The following PDE4B variants were observed in gnomAD, a reference collection of about 807,000 sequenced individuals.
The protein encoded by PDE4B is phosphodiesterase 4B.
In PDE4B, 20 loss-of-function variants were observed where a neutral mutation model predicts 82.2. The observed-to-expected ratio is 0.24, with a 90% CI of 0.17 to 0.35. The LOEUF is 0.35. PDE4B is among the 10% of genes least tolerant of loss of function. PDE4B has a pLI of 1.00. For synonymous variants in PDE4B, 320 were observed against 318.9 expected (o/e 1.00, Z -0.04); for missense variants, 655 against 907.2 (o/e 0.72, Z 3.57).
chr1:66,040,607 G>T (rs529460905), intron 3 of PDE4B, among the ~76,000 whole-genome samples: 1 of 152,148 alleles, frequency 6.6e-6, no homozygotes, highest in South Asian at 2.1e-4. Context: ...ATGGGTAAGA[G>T]GTTTGATGAA....
intron 3 of PDE4B, among the ~76,000 whole-genome samples, chr1:66,225,255 C>T (rs1016601293): frequency 6.6e-6 from 1 of 152,190 alleles, no homozygotes; most frequent in Non-Finnish European, 1.5e-5. Flanking sequence ...TTTTCTCACC[C>T]CCCGTTCTCA....
chr1:66,110,215 G>T (rs534366374), intron 3 of PDE4B, among the ~76,000 whole-genome samples: 1 of 152,004 alleles, frequency 6.6e-6, no homozygotes, highest in Non-Finnish European at 1.5e-5. Context: ...ATTGATGAGC[G>T]TTTGAGGGAA....
At chr1:66,321,829 G>A (rs1218779316) in intron 7 of PDE4B, among the ~76,000 whole-genome samples, 1 of 152,050 alleles carries the variant, frequency 6.6e-6, no homozygotes, top group African/African-American at 2.4e-5. Context: ...CTACTTTAAA[G>A]CTCATATGGA....
At chr1:66,028,626 C>A (rs894462850) in intron 3 of PDE4B, among the ~76,000 whole-genome samples, 7 of 152,162 alleles carry the variant, frequency 4.6e-5, no homozygotes, top group African/African-American at 1.7e-4. Context: ...ATGCCTTTAA[C>A]AACACCAAAG....
intron 7 of PDE4B, among the ~76,000 whole-genome samples, chr1:66,301,109 A>G (rs1449648825): frequency 6.6e-6 from 1 of 152,134 alleles, no homozygotes; most frequent in African/African-American, 2.4e-5. Context: ...TGCTCATGAA[A>G]GGCCCATAGT....
intron 3 of PDE4B, among the ~76,000 whole-genome samples, chr1:66,154,034 T>A (rs901171472): frequency 6.6e-6 from 1 of 152,216 alleles, no homozygotes; most frequent in Admixed American, 6.5e-5. Context: ...TTTAAAATTC[T>A]TTTCCCTTCT....
chr1:66,214,975 G>A (rs1015591479), intron 3 of PDE4B, among the ~76,000 whole-genome samples: 2 of 152,070 alleles, frequency 1.3e-5, no homozygotes, highest in Non-Finnish European at 2.9e-5. Context: ...GTGTGGTAGG[G>A]GTTAAAAAGT....
At chr1:65,896,272 C>G (rs866040140) in intron 1 of PDE4B, among the ~76,000 whole-genome samples, 38 of 152,090 alleles carry the variant, frequency 2.5e-4, no homozygotes, top group African/African-American at 8.9e-4. Flanking sequence ...TCTTACATGG[C>G]AGCAGGCAAG....
At chr1:66,312,899 G>A (rs1024052324) in intron 7 of PDE4B, among the ~76,000 whole-genome samples, 3 of 152,202 alleles carry the variant, frequency 2.0e-5, no homozygotes, top group Non-Finnish European at 4.4e-5. Flanking sequence ...TTTTGAAAAA[G>A]TTTACCTCTG....
chr1:66,265,521 G>A (rs752664519), intron 6 of PDE4B, among the ~76,000 whole-genome samples: 16 of 152,150 alleles, frequency 1.1e-4, no homozygotes, highest in Non-Finnish European at 1.6e-4. Flanking sequence ...CCTAAGTAAA[G>A]CAAGCTGGAT....
At chr1:65,966,836 G>A (rs1249894006) in intron 3 of PDE4B, among the ~76,000 whole-genome samples, 1 of 152,136 alleles carries the variant, frequency 6.6e-6, no homozygotes, top group African/African-American at 2.4e-5. Context: ...CTAGCCATAT[G>A]GAGAAAGCTG....
At chr1:65,995,645 G>A (rs537007156) in intron 3 of PDE4B, among the ~76,000 whole-genome samples, 1 of 152,248 alleles carries the variant, frequency 6.6e-6, no homozygotes, top group South Asian at 2.1e-4. Context: ...GGTTATATGA[G>A]GAAATAAGAG....
chr1:66,287,101 G>C (rs1241143920), intron 7 of PDE4B, among the ~76,000 whole-genome samples: 1 of 152,142 alleles, frequency 6.6e-6, no homozygotes, highest in African/African-American at 2.4e-5. Flanking sequence ...TGCAGGTGGG[G>C]ATAATATTTA....
At chr1:65,948,194 C>T (rs1648807963) in intron 3 of PDE4B, among the ~76,000 whole-genome samples, 1 of 151,550 alleles carries the variant, frequency 6.6e-6, no homozygotes. Flanking sequence ...TGTGCAAAGG[C>T]CCACCCGTAC....
chr1:65,908,498 G>A (rs779826979), intron 1 of PDE4B, among the ~76,000 whole-genome samples: 5 of 152,112 alleles, frequency 3.3e-5, no homozygotes, highest in Admixed American at 6.6e-5. Flanking sequence ...GCAAGGAACA[G>A]AGAAGAAATA....
intron 3 of PDE4B, among the ~76,000 whole-genome samples, chr1:66,091,401 G>A (rs1482986038): frequency 6.6e-6 from 1 of 152,008 alleles, no homozygotes; most frequent in African/African-American, 2.4e-5. Flanking sequence ...TCAGGTTACT[G>A]CTCACTGAGT....
intron 3 of PDE4B, among the ~76,000 whole-genome samples, chr1:66,196,950 A>G (rs1013023672): frequency 3.3e-5 from 5 of 152,180 alleles, no homozygotes; most frequent in African/African-American, 1.2e-4. Flanking sequence ...CCTAAAACTT[A>G]AAGTATAACA....
intron 1 of PDE4B, among the ~76,000 whole-genome samples, chr1:65,884,058 C>G (rs1646741463): frequency 6.6e-6 from 1 of 152,044 alleles, no homozygotes; most frequent in African/African-American, 2.4e-5. Context: ...ATTTGGTTTG[C>G]CAGTATTTTA....
At chr1:66,216,244 T>G (rs1448902163) in intron 3 of PDE4B, among the ~76,000 whole-genome samples, 1 of 151,070 alleles carries the variant, frequency 6.6e-6, no homozygotes, top group Non-Finnish European at 1.5e-5. Context: ...TTTTAAAATA[T>G]CCTATCTATT....
Sources: gnomAD v4.1 joint callset for allele counts (sites outside exome capture counted in the v4.1 genomes callset) on GRCh38, gnomAD v4.1.1 for gene constraint, MANE v1.5 for transcripts, NCBI Gene and HGNC (gene_info 2026-07-23, HGNC 2026-07-21) for gene names.